The following STPG4 variants were observed in gnomAD, a reference collection of about 807,000 sequenced individuals.
The protein encoded by STPG4 is protein STPG4.
A neutral mutation model predicts 31.5 loss-of-function variants in STPG4; 41 were observed. That is an observed-to-expected ratio of 1.30 (90% confidence interval 1.01 to 1.69). The LOEUF (loss-of-function observed/expected upper bound fraction) is 1.69, where lower values mean the gene tolerates loss of function less well. Ranked by LOEUF, STPG4 falls within the 40% of genes most tolerant of loss-of-function variation. The probability of loss-of-function intolerance (pLI) is 0.00; values close to 1 mark genes in which losing one functional copy is unlikely to be tolerated. For synonymous variants in STPG4, 141 were observed against 103.0 expected (o/e 1.37, Z -2.24); for missense variants, 375 against 293.4 (o/e 1.28, Z -2.03).
At chr2:47,099,947 C>A (rs1440220080) in intron 5 of STPG4, among the ~76,000 whole-genome samples, 1 of 152,168 alleles carries the variant, frequency 6.6e-6, no homozygotes, top group Non-Finnish European at 1.5e-5. Flanking sequence ...CAGTTTCTCG[C>A]TGGGTCTTAG....
chr2:47,093,813 G>C (rs939162583), intron 5 of STPG4, among the ~76,000 whole-genome samples: 1 of 152,194 alleles, frequency 6.6e-6, no homozygotes, highest in African/African-American at 2.4e-5. Context: ...CTGAGGAAGT[G>C]GATATAAGCC....
intron 3 of STPG4, among the ~76,000 whole-genome samples, chr2:47,136,594 T>G (rs1421413647): frequency 6.6e-6 from 1 of 152,240 alleles, no homozygotes. Flanking sequence ...ACCTTACCAG[T>G]AATATTTTAT....
At chr2:47,154,976 TAAAAC>T (rs1164918645) in intron 1 of STPG4, among the ~76,000 whole-genome samples, 190 bp downstream of exon 1, 2 of 150,980 alleles carry the variant, frequency 1.3e-5, no homozygotes, top group East Asian at 1.9e-4. Context: ...GGAAAAGAAA[TAAAAC>T]AAAGGAAATG....
At chr2:47,095,473 C>A (rs1029945950) in intron 5 of STPG4, among the ~76,000 whole-genome samples, 6 of 152,196 alleles carry the variant, frequency 3.9e-5, no homozygotes, top group Admixed American at 2.6e-4. Context: ...GGAACCCACA[C>A]TGCCAACACC....
chr2:47,144,550 A>G (rs1242865252), intron 3 of STPG4, among the ~76,000 whole-genome samples: 1 of 152,152 alleles, frequency 6.6e-6, no homozygotes, highest in Non-Finnish European at 1.5e-5. Context: ...ATGTATAAAT[A>G]CACAAAAATA....
chr2:47,105,223 C>T (rs962315911), intron 5 of STPG4, among the ~76,000 whole-genome samples: 2 of 151,924 alleles, frequency 1.3e-5, no homozygotes, highest in Non-Finnish European at 2.9e-5. Flanking sequence ...TGGGACAACC[C>T]CACAACCGGT....
chr2:47,135,255 T>A (rs998516957), intron 3 of STPG4, among the ~76,000 whole-genome samples: 1 of 152,212 alleles, frequency 6.6e-6, no homozygotes, highest in Non-Finnish European at 1.5e-5. Flanking sequence ...GGATCTAAAC[T>A]CAAAGTCGTC....
intron 5 of STPG4, among the ~76,000 whole-genome samples, chr2:47,120,026 C>T (rs973784150): frequency 1.3e-5 from 2 of 152,030 alleles, no homozygotes; most frequent in Admixed American, 6.6e-5. Flanking sequence ...AAAAAAGAGG[C>T]TTGGTTTAAA....
intron 3 of STPG4, among the ~76,000 whole-genome samples, chr2:47,143,690 G>A (rs570982636): frequency 8.4e-4 from 128 of 151,892 alleles, no homozygotes; most frequent in African/African-American, 3.0e-3. Flanking sequence ...GGGTTTCACC[G>A]TGTTAGCCAT....
In STPG4 at chr2:47,099,088, T is replaced by A. The variant is rs1685734942; in HGVS notation, c.520-8714A>T. Among the ~76,000 whole-genome samples, 2 of 152,218 alleles carry A rather than the reference T, an allele frequency of 1.3e-5. 1 individual carries two copies. Among genetic ancestry groups the A allele is most frequent in the South Asian group, 4.1e-4 (2 of 4,836 alleles). Reference sequence around the variant, plus strand: ...AAATATGACGGTCTGGGTTTCTAGTTAGGCTGTCACATGGGAGGGGCAACA... The same window carrying A: ...AAATATGACGGTCTGGGTTTCTAGTAAGGCTGTCACATGGGAGGGGCAACA... On this transcript the variant is annotated intron_variant, in intron 5 of 6. Coordinates refer to ENST00000445927, the MANE Select transcript of STPG4 (RefSeq NM_001163561.2).
At chr2:47,091,390 G>C (rs1296323176) in intron 5 of STPG4, among the ~76,000 whole-genome samples, 1 of 152,160 alleles carries the variant, frequency 6.6e-6, no homozygotes, top group African/African-American at 2.4e-5. Flanking sequence ...GACAAATGAT[G>C]AGTCTTCAGC....
At chr2:47,089,495 C>T (rs764730407) in intron 6 of STPG4, among the ~76,000 whole-genome samples, 1 of 152,222 alleles carries the variant, frequency 6.6e-6, no homozygotes, top group South Asian at 2.1e-4. Flanking sequence ...AGCCCCTTGA[C>T]TCCCCTGGGT....
chr2:47,117,947 G>A (rs1686185675), intron 5 of STPG4, among the ~76,000 whole-genome samples: 1 of 148,036 alleles, frequency 6.8e-6, no homozygotes, highest in African/African-American at 2.6e-5. Context: ...TTTTAATAGA[G>A]ATGAGGTCTT....
chr2:47,138,423 A>T (rs1686641517), intron 3 of STPG4, among the ~76,000 whole-genome samples: 3 of 141,224 alleles, frequency 2.1e-5, no homozygotes, highest in African/African-American at 2.6e-5. Flanking sequence ...ATGGAGTCTT[A>T]CTCTGTCACC....
intron 3 of STPG4, among the ~76,000 whole-genome samples, chr2:47,132,852 CATTT>C (rs542418360): frequency 5.4e-4 from 82 of 152,220 alleles, no homozygotes; most frequent in African/African-American, 1.9e-3. Flanking sequence ...TTAAAGCAGT[CATTT>C]ATTTATCTAT....
In STPG4 at chr2:47,091,823, T is replaced by C. The variant is rs77152678; in HGVS notation, c.520-1449A>G. ...TTAGGCATTCACCCTAAGAAAACAA[T>C]TGAGAATGTGTGCAAATATTTAGCC... On this transcript the variant is annotated intron_variant, in intron 5 of 6. Coordinates refer to ENST00000445927, the MANE Select transcript of STPG4 (RefSeq NM_001163561.2). 2.9e-3 allele frequency among the ~76,000 whole-genome samples: 447 copies of C among 152,208 alleles called. 2 individuals are homozygous for C. Among genetic ancestry groups the C allele is most frequent in the Middle Eastern group, 0.017 (5 of 294 alleles).
chr2:47,138,303 G>T (rs750816529), intron 3 of STPG4, among the ~76,000 whole-genome samples: 3 of 151,486 alleles, frequency 2.0e-5, no homozygotes, highest in Non-Finnish European at 4.4e-5. Flanking sequence ...AGTTATCTTT[G>T]TGTTATTGAT....
At chr2:47,127,964 T>A (rs912746596) in intron 5 of STPG4, among the ~76,000 whole-genome samples, 1 of 152,230 alleles carries the variant, frequency 6.6e-6, no homozygotes, top group Non-Finnish European at 1.5e-5. Context: ...GTCTTGTTTG[T>A]ACCTGTCCTT....
chr2:47,107,818 G>A (rs561690922), intron 5 of STPG4, among the ~76,000 whole-genome samples: 2 of 152,058 alleles, frequency 1.3e-5, no homozygotes, highest in Admixed American at 1.3e-4. Flanking sequence ...ACTCTATCTA[G>A]CTCAAGGTTT....
Sources: allele counts gnomAD v4.1 joint callset (sites outside exome capture counted in the v4.1 genomes callset), GRCh38; gene constraint gnomAD v4.1.1; transcripts MANE v1.5; gene names NCBI Gene and HGNC (gene_info 2026-07-23, HGNC 2026-07-21).